Variants in RIC8B observed in about 807,000 individuals in gnomAD.
RIC8B encodes chaperone Ric-8B.
Under a neutral mutation model 57.5 loss-of-function variants are expected in RIC8B, and 16 were observed. That is an observed-to-expected ratio of 0.28 (90% confidence interval 0.19 to 0.42). The LOEUF (loss-of-function observed/expected upper bound fraction) is 0.42, where lower values mean the gene tolerates loss of function less well. Ranked by LOEUF, RIC8B falls within the 10% of genes least tolerant of loss-of-function variation. The pLI, the probability that RIC8B is intolerant of heterozygous loss-of-function variation, is 1.00. For missense variants in RIC8B, 481 were observed against 677.0 expected (o/e 0.71, Z 3.21); for synonymous variants, 216 against 250.8 (o/e 0.86, Z 1.31).
intron 2 of RIC8B, among the ~76,000 whole-genome samples, chr12:106,790,283 C>T (rs779265647): frequency 1.3e-5 from 2 of 152,172 alleles, no homozygotes; most frequent in South Asian, 4.1e-4. Context: ...CATCCAGTAC[C>T]TTGTTTTCTC....
intron 3 of RIC8B, among the ~76,000 whole-genome samples, chr12:106,819,135 A>G (rs1407927749): frequency 2.6e-5 from 4 of 152,194 alleles, no homozygotes; most frequent in African/African-American, 9.7e-5. Context: ...TTTTACAAAA[A>G]TGCAGTCATT....
intron 8 of RIC8B, among the ~76,000 whole-genome samples, chr12:106,870,127 G>C (rs934751321): frequency 4.6e-5 from 7 of 151,468 alleles, no homozygotes; most frequent in African/African-American, 1.7e-4. Flanking sequence ...AGTTTGTTTG[G>C]TATTATAACC....
intron 6 of RIC8B, among the ~76,000 whole-genome samples, chr12:106,849,912 A>G (rs1012357874): frequency 2.0e-5 from 3 of 152,226 alleles, no homozygotes; most frequent in Non-Finnish European, 4.4e-5. Context: ...TTTGGAGGTC[A>G]GGGAAGAAAT....
Position 106,879,212 on chromosome 12 carries a change from CA to C in RIC8B, c.1572-6690del. On this transcript the variant is annotated intron_variant, in intron 9 of 9. Transcript: ENST00000392837. The surrounding 1 kb of genome is among the most constrained non-coding windows in gnomAD (Gnocchi z 4.9). Reference sequence around the variant, plus strand: ...TGCTTAATTATGTCCTGTTTTTCAACAAGTACACTTGAATTGAATGTTTTGT... The same window carrying C: ...TGCTTAATTATGTCCTGTTTTTCAACAGTACACTTGAATTGAATGTTTTGT... 2 of 985,772 alleles carry C rather than the reference CA, an allele frequency of 2.0e-6. No individual in the cohort carries two copies. The highest frequency in any genetic ancestry group is 3.5e-5 in the African/African-American group (2 of 57,336). 61.1% of individuals were successfully genotyped at this position (985,772 alleles called of 1,614,324 possible). A position where few individuals can be genotyped will look rare whatever the true frequency, so the allele number is the denominator to read the frequency against.
At chr12:106,852,223 A>G (rs2136470274) in intron 7 of RIC8B, among the ~76,000 whole-genome samples, 1 of 152,390 alleles carries the variant, frequency 6.6e-6, no homozygotes, top group South Asian at 2.1e-4. Flanking sequence ...CTAAAATTAT[A>G]TGGATTACTC....
intron 3 of RIC8B, among the ~76,000 whole-genome samples, chr12:106,821,906 A>C (rs1040703140): frequency 3.3e-5 from 5 of 151,604 alleles, no homozygotes; most frequent in Non-Finnish European, 7.4e-5. Flanking sequence ...GTGAAACCCC[A>C]TCTCTACTAA....
intron 2 of RIC8B, 41 bp downstream of exon 2, chr12:106,784,085 G>T (rs750362965): frequency 2.0e-6 from 3 of 1,529,770 alleles, no homozygotes; most frequent in Admixed American, 1.7e-5. Flanking sequence ...ATGTGTGTGT[G>T]TATTGCATTC....
At chr12:106,830,383 G>A (rs1410318305) in intron 4 of RIC8B, among the ~76,000 whole-genome samples, 5 of 152,178 alleles carry the variant, frequency 3.3e-5, no homozygotes, top group Non-Finnish European at 5.9e-5. Flanking sequence ...TAGGCACTAT[G>A]TTGAGTAACA....
chr12:106,793,470 C>G (rs927359692), intron 2 of RIC8B, among the ~76,000 whole-genome samples: 10 of 152,174 alleles, frequency 6.6e-5, no homozygotes, highest in Non-Finnish European at 1.2e-4. Context: ...TATAGGTTAA[C>G]CCAAAGGCCA....
chr12:106,829,619 T>A (rs780220919), intron 4 of RIC8B, among the ~76,000 whole-genome samples: 2 of 152,224 alleles, frequency 1.3e-5, no homozygotes, highest in Non-Finnish European at 2.9e-5. Context: ...TTTTTTTCTT[T>A]CAGTTTTTTT....
At chr12:106,785,817 G>C (rs200766778) in intron 2 of RIC8B, among the ~76,000 whole-genome samples, 25,214 of 91,190 alleles carry the variant, frequency 0.28, 3,468 homozygotes, top group African/African-American at 0.36. Flanking sequence ...CTCTCTCTGT[G>C]TGTGTGTGTG....
intron 2 of RIC8B, among the ~76,000 whole-genome samples, chr12:106,801,973 G>T (rs1420189399): frequency 6.6e-6 from 1 of 152,130 alleles, no homozygotes; most frequent in Admixed American, 6.5e-5. Flanking sequence ...TCAGATTTAG[G>T]TGGCTGACCT....
intron 2 of RIC8B, among the ~76,000 whole-genome samples, chr12:106,810,921 G>C (rs2045309087): frequency 6.6e-6 from 1 of 152,142 alleles, no homozygotes; most frequent in South Asian, 2.1e-4. Flanking sequence ...CAAGTAACTT[G>C]CCAAGGCCAC....
At chr12:106,864,545 C>T (rs1950061671) in intron 8 of RIC8B, among the ~76,000 whole-genome samples, 1 of 152,012 alleles carries the variant, frequency 6.6e-6, no homozygotes, top group Admixed American at 6.6e-5. Flanking sequence ...GTAATTTGTC[C>T]AGGGCAAACA....
intron 4 of RIC8B, among the ~76,000 whole-genome samples, chr12:106,833,370 G>A (rs1367504404): frequency 6.6e-6 from 1 of 152,184 alleles, no homozygotes; most frequent in Non-Finnish European, 1.5e-5. Context: ...GGGAGGCTGA[G>A]GTGGGCAGAT....
intron 8 of RIC8B, among the ~76,000 whole-genome samples, chr12:106,863,994 A>C (rs1950038531): frequency 6.6e-6 from 1 of 152,156 alleles, no homozygotes; most frequent in Admixed American, 6.6e-5. Context: ...TATGTGGCTA[A>C]TACATGGTAG....
intron 1 of RIC8B, among the ~76,000 whole-genome samples, chr12:106,780,127 C>T (rs943127176): frequency 1.3e-5 from 2 of 152,076 alleles, no homozygotes; most frequent in African/African-American, 4.8e-5. Flanking sequence ...TGATTCTTTA[C>T]ATCGCAGGCT....
intron 2 of RIC8B, among the ~76,000 whole-genome samples, chr12:106,800,948 A>G (rs1483827560): frequency 2.6e-5 from 4 of 152,246 alleles, no homozygotes; most frequent in African/African-American, 4.8e-5. Context: ...AGTGTACTGT[A>G]TAATCAAACT....
chr12:106,877,076 G>T (rs1486203540), intron 9 of RIC8B, among the ~76,000 whole-genome samples: 2 of 151,892 alleles, frequency 1.3e-5, no homozygotes, highest in African/African-American at 4.8e-5. Context: ...GGTAAATTAG[G>T]TGGGTAGCAG....
Sources: gnomAD v4.1 joint callset for allele counts (sites outside exome capture counted in the v4.1 genomes callset) on GRCh38, gnomAD v4.1.1 for gene constraint, Gnocchi (gnomAD v3.1) non-coding constraint, MANE v1.5 for transcripts, NCBI Gene and HGNC (gene_info 2026-07-23, HGNC 2026-07-21) for gene names.